WDPCP: variants seen among roughly 807,000 people sequenced by gnomAD.
WDPCP encodes WD repeat containing planar cell polarity effector, also known as WD repeat-containing and planar cell polarity effector protein fritz homolog.
WDPCP carries 71 observed loss-of-function variants against 93.1 expected under a neutral mutation model. The observed-to-expected ratio is 0.76, with a 90% CI of 0.63 to 0.93. The LOEUF (loss-of-function observed/expected upper bound fraction) is 0.93, where lower values mean the gene tolerates loss of function less well. WDPCP is among the 40% of genes least tolerant of loss of function. WDPCP has a pLI of 0.00. For synonymous variants in WDPCP, 315 were observed against 315.0 expected, an observed-to-expected ratio of 1.00 and a Z score of 0.00; for missense variants, 844 against 887.4, an observed-to-expected ratio of 0.95 and a Z score of 0.62.
At chr2:63,622,359 G>C in intron 3 of WDPCP, 2 of 1,601,402 alleles carry the variant, frequency 1.2e-6, no homozygotes, top group South Asian at 2.2e-5. Flanking sequence ...ACCCTTCATA[G>C]TCTTGGTCAC....
At chr2:63,305,888 A>C (rs961350144) in intron 13 of WDPCP, among the ~76,000 whole-genome samples, 1 of 152,232 alleles carries the variant, frequency 6.6e-6, no homozygotes, top group Non-Finnish European at 1.5e-5. Flanking sequence ...AAAATACAGC[A>C]CAAGAACTTC....
chr2:63,564,778 CTT>C (rs10713306), intron 1 of WDPCP, among the ~76,000 whole-genome samples: 371 of 122,242 alleles, frequency 3.0e-3, no homozygotes, highest in Non-Finnish European at 4.1e-3. Flanking sequence ...AAAACTGCAC[CTT>C]TTTTTTTTTT....
intron 13 of WDPCP, among the ~76,000 whole-genome samples, chr2:63,294,097 T>C (rs932802127): frequency 1.3e-5 from 2 of 152,126 alleles, no homozygotes; most frequent in Non-Finnish European, 1.5e-5. Context: ...ACAAAGGGAA[T>C]GTTGAAAGCA....
At chr2:63,597,686 C>A in intron 3 of WDPCP, 1 of 962,078 alleles carries the variant, frequency 1.0e-6, no homozygotes. Context: ...TCTGTACAAT[C>A]ATCAGTAAAT....
intron 6 of WDPCP, among the ~76,000 whole-genome samples, chr2:63,480,982 A>G (rs1700233836): frequency 6.6e-6 from 1 of 152,152 alleles, no homozygotes; most frequent in African/African-American, 2.4e-5. Flanking sequence ...TTCACAATCT[A>G]TACATCTGAC....
At chr2:63,470,153 C>T (rs534404715) in intron 6 of WDPCP, among the ~76,000 whole-genome samples, 2 of 152,318 alleles carry the variant, frequency 1.3e-5, no homozygotes, top group African/African-American at 4.8e-5. Context: ...CAGGGCTCCA[C>T]TCTTCAGTCT....
At position 63,153,554 on chromosome 2, in the gene WDPCP, T is replaced by C; in HGVS notation, c.2099A>G (p.Asn700Ser). The C allele has an allele frequency of 4.3e-6, 7 of 1,612,422 alleles. No homozygotes were observed. Among genetic ancestry groups the C allele is most frequent in the Non-Finnish European group, 5.9e-6 (7 of 1,179,074 alleles). Residue 700 changes from asparagine (N) to serine (S), a missense_variant, in exon 16 of 18, where the codon AAT (asparagine) becomes AGT (serine). Coordinates refer to ENST00000272321, the MANE Select transcript of WDPCP (RefSeq NM_015910.7). ...AGAACAGATGTCTTTTTCAAGTTCATTCCTTCTGTCAATTATTTGTCTGCA... is the reference window on the plus strand; with the variant it reads ...AGAACAGATGTCTTTTTCAAGTTCACTCCTTCTGTCAATTATTTGTCTGCA... ...SSNRQIIDRR[N>S]ELEKDICSGF...
At chr2:63,141,052 C>T (rs763742078) in intron 17 of WDPCP, among the ~76,000 whole-genome samples, 12 of 151,516 alleles carry the variant, frequency 7.9e-5, no homozygotes, top group Non-Finnish European at 1.8e-4. Flanking sequence ...AATGCTTTTT[C>T]TGCATCTATT....
intron 1 of WDPCP, among the ~76,000 whole-genome samples, chr2:63,494,317 T>C (rs960939287): frequency 9.2e-5 from 14 of 151,846 alleles, no homozygotes; most frequent in African/African-American, 2.7e-4. Flanking sequence ...ATGATGACGA[T>C]GATGATGATG....
intron 2 of WDPCP, among the ~76,000 whole-genome samples, chr2:63,737,374 C>T (rs771534424): frequency 6.6e-5 from 10 of 152,214 alleles, no homozygotes; most frequent in Non-Finnish European, 1.0e-4. Context: ...ACACCAACTC[C>T]TTTAGTTTCT....
chr2:63,705,870 T>C (rs1669143577), intron 2 of WDPCP, among the ~76,000 whole-genome samples: 1 of 151,950 alleles, frequency 6.6e-6, no homozygotes, highest in Non-Finnish European at 1.5e-5. Flanking sequence ...TTCTGTCTTG[T>C]TGATCTGTCT....
chr2:63,647,857 A>C (rs1030436657), intron 3 of WDPCP, among the ~76,000 whole-genome samples: 7 of 152,166 alleles, frequency 4.6e-5, no homozygotes, highest in Admixed American at 1.3e-4. Context: ...ATTAAAAAAA[A>C]CTTGGTTCTT....
At chr2:63,243,145 T>C (rs1305877622) in intron 14 of WDPCP, among the ~76,000 whole-genome samples, 3 of 152,236 alleles carry the variant, frequency 2.0e-5, no homozygotes, top group Admixed American at 6.5e-5. Context: ...AGGCTTATGC[T>C]AGAAATGACA....
chr2:63,710,333 C>T (rs1483719117), intron 2 of WDPCP, among the ~76,000 whole-genome samples: 1 of 152,220 alleles, frequency 6.6e-6, no homozygotes, highest in African/African-American at 2.4e-5. Flanking sequence ...TTGTGACACA[C>T]AGTTCTCTCC....
chr2:63,544,684 T>G (rs1375646252), intron 1 of WDPCP, among the ~76,000 whole-genome samples: 1 of 152,130 alleles, frequency 6.6e-6, no homozygotes, highest in African/African-American at 2.4e-5. Flanking sequence ...GTAGGCTCTT[T>G]TGCCTGTTCT....
At chr2:63,321,893 T>G (rs760047709) in intron 12 of WDPCP, among the ~76,000 whole-genome samples, 1 of 152,230 alleles carries the variant, frequency 6.6e-6, no homozygotes, top group Non-Finnish European at 1.5e-5. Flanking sequence ...TTCTATTGTC[T>G]TCTTTTTACA....
the WDPCP span, among the ~76,000 whole-genome samples, chr2:63,837,799 T>C: frequency 3.3e-5 from 5 of 152,246 alleles, no homozygotes; most frequent in Non-Finnish European, 5.9e-5. Context: ...ATGTTTTATA[T>C]GGCTCTCAAA....
In WDPCP at chr2:63,360,083, A is replaced by C. The variant is rs982521380; in HGVS notation, c.1748+18303T>G. 2.6e-5 allele frequency: 4 copies of C among 152,390 alleles called. No homozygotes were observed. Among genetic ancestry groups the C allele is most frequent in the Admixed American group, 6.5e-5 (1 of 15,306 alleles). 9.4% of individuals were successfully genotyped at this position (152,390 alleles called of 1,614,324 possible). The stretch of plus-strand genomic sequence containing the variant: ...CGACAAGGCAAGACTCCATCTAAAA[A>C]AAAAAATTGTACTTTATAAAATAAC... On this transcript the variant is annotated intron_variant, in intron 12 of 17. Transcript: ENST00000272321.
intron 6 of WDPCP, among the ~76,000 whole-genome samples, chr2:63,468,100 G>A (rs1699466625): frequency 6.6e-6 from 1 of 152,162 alleles, no homozygotes; most frequent in Non-Finnish European, 1.5e-5. Flanking sequence ...TTCCTCTAAT[G>A]AATAACATTT....
Sources: gnomAD v4.1 joint callset for allele counts (sites outside exome capture counted in the v4.1 genomes callset) on GRCh38, gnomAD v4.1.1 for gene constraint, MANE v1.5 for transcripts, NCBI Gene and HGNC (gene_info 2026-07-23, HGNC 2026-07-21) for gene names.